ANKRD62: variants seen among roughly 807,000 people sequenced by gnomAD.
ANKRD62 encodes the protein ankyrin repeat domain 62.
A neutral mutation model predicts 98.8 loss-of-function variants in ANKRD62; 61 were observed. That is an observed-to-expected ratio of 0.62 (90% CI 0.50 to 0.76). The LOEUF is 0.76. Ranked by LOEUF, ANKRD62 falls within the 30% of genes least tolerant of loss-of-function variation. The pLI, the probability that ANKRD62 is intolerant of heterozygous loss-of-function variation, is 0.00. For missense variants in ANKRD62, 933 were observed against 1,082.9 expected (o/e 0.86, Z 1.94); for synonymous variants, 341 against 367.9 (o/e 0.93, Z 0.84).
intron 4 of ANKRD62, among the ~76,000 whole-genome samples, chr18:12,097,108 A>G (rs9951744): frequency 6.6e-6 from 1 of 151,840 alleles, no homozygotes; most frequent in East Asian, 1.9e-4. Context: ...GAGGATAATA[A>G]TATATCCTTC....
the ANKRD62 span, among the ~76,000 whole-genome samples, chr18:12,177,446 A>G: frequency 6.6e-6 from 1 of 152,208 alleles, no homozygotes; most frequent in East Asian, 1.9e-4. Context: ...GGCATGGGCA[A>G]TAGTGAGAGG....
At chr18:12,094,904 G>C (rs1282518869) in intron 1 of ANKRD62, among the ~76,000 whole-genome samples, 2 of 135,518 alleles carry the variant, frequency 1.5e-5, no homozygotes, top group African/African-American at 5.6e-5. Context: ...GGACTGGTTG[G>C]GGGTAGAGTT....
At chr18:12,113,252 G>A (rs1209502491) in intron 8 of ANKRD62, among the ~76,000 whole-genome samples, 1 of 152,152 alleles carries the variant, frequency 6.6e-6, no homozygotes. Context: ...TGGAAAAAAA[G>A]CTCAACTTCA....
chr18:12,096,583 T>C (rs921928245), intron 4 of ANKRD62, among the ~76,000 whole-genome samples: 2 of 152,234 alleles, frequency 1.3e-5, no homozygotes, highest in African/African-American at 4.8e-5. Flanking sequence ...GGATGTCATA[T>C]TGGTTTTACT....
chr18:12,124,906 G>A (rs375243591), intron 12 of ANKRD62, among the ~76,000 whole-genome samples: 5 of 152,248 alleles, frequency 3.3e-5, no homozygotes, highest in African/African-American at 1.2e-4. Context: ...GCATACAAAA[G>A]TGCTTAGTAC....
chr18:12,169,262 G>C, the ANKRD62 span, among the ~76,000 whole-genome samples: 1 of 152,212 alleles, frequency 6.6e-6, no homozygotes, highest in Non-Finnish European at 1.5e-5. Context: ...GATATTGGCT[G>C]TGGGTTTATC....
intron 4 of ANKRD62, among the ~76,000 whole-genome samples, chr18:12,096,907 A>G (rs1180676399): frequency 2.6e-5 from 4 of 152,078 alleles, no homozygotes; most frequent in East Asian, 1.9e-4. Context: ...TTTAATTAGT[A>G]TGGGCAGAGG....
At chr18:12,112,553 A>G (rs1370296036) in intron 8 of ANKRD62, among the ~76,000 whole-genome samples, 1 of 152,252 alleles carries the variant, frequency 6.6e-6, no homozygotes, top group African/African-American at 2.4e-5. Flanking sequence ...CACCATAAAC[A>G]AAAATTACCT....
the ANKRD62 span, among the ~76,000 whole-genome samples, chr18:12,153,586 T>C: frequency 8.0e-6 from 1 of 125,754 alleles, no homozygotes; most frequent in Non-Finnish European, 1.6e-5. Flanking sequence ...AGCGAGACTC[T>C]GCCTGGGAAA....
chr18:12,104,858 A>G (rs1049619669), intron 7 of ANKRD62, among the ~76,000 whole-genome samples: 1 of 152,208 alleles, frequency 6.6e-6, no homozygotes, highest in African/African-American at 2.4e-5. Context: ...TTTGCTTGCC[A>G]GTCATCTTCT....
the ANKRD62 span, among the ~76,000 whole-genome samples, chr18:12,174,292 A>G: frequency 6.6e-6 from 1 of 152,090 alleles, no homozygotes; most frequent in African/African-American, 2.4e-5. Context: ...CTGTTCTGCT[A>G]TTAATACTTG....
chr18:12,117,810 A>G (rs911960666), intron 10 of ANKRD62, among the ~76,000 whole-genome samples: 1 of 152,014 alleles, frequency 6.6e-6, no homozygotes, highest in Admixed American at 6.6e-5. Context: ...CTGGGAAAAA[A>G]CCCCATTTGT....
the ANKRD62 span, among the ~76,000 whole-genome samples, chr18:12,152,385 C>A: frequency 1.3e-3 from 202 of 152,252 alleles, 1 homozygote; most frequent in African/African-American, 4.6e-3. Flanking sequence ...AGCTAATCCA[C>A]CACGATCAAG....
rs553210217 is a variant in ANKRD62, at chr18:12,115,408, T to A, written c.1114T>A (p.Tyr372Asn). 139 of 1,534,726 alleles carry A rather than the reference T, an allele frequency of 9.1e-5. No homozygotes were observed. Among genetic ancestry groups the A allele is most frequent in the Admixed American group, 1.2e-4 (6 of 50,564 alleles). The change falls in exon 10 of 14, where the codon TAT (tyrosine) becomes AAT (asparagine). Residue 372 changes from tyrosine (Y) to asparagine (N), a missense_variant. By Grantham distance (143) the Tyr-to-Asn change is moderately radical. This residue lies in a region of ANKRD62 where 549 missense variants were observed against 587.9 expected (regional missense o/e 0.93). Coordinates refer to ENST00000587848, the MANE Select transcript of ANKRD62 (RefSeq NM_001277333.2). Reference protein sequence around the residue: ...NEKSKVKSQIYFTDDLNDISG... With the variant: ...NEKSKVKSQINFTDDLNDISG... ...TATTTTATAGGTTAAAAGCCAAATA[T>A]ATTTCACGGATGACCTTAATGACAT...
chr18:12,105,245 A>G (rs1438076858), intron 7 of ANKRD62, among the ~76,000 whole-genome samples: 1 of 152,258 alleles, frequency 6.6e-6, no homozygotes, highest in Non-Finnish European at 1.5e-5. Flanking sequence ...TTGTTCCACA[A>G]ACCATTATAT....
At chr18:12,102,256 T>C (rs1308466509) in intron 6 of ANKRD62, 1 of 765,944 alleles carries the variant, frequency 1.3e-6, no homozygotes, top group Non-Finnish European at 2.4e-6. Context: ...AGCAAAACAC[T>C]GACGACCCTC....
At chr18:12,175,532 G>A in the ANKRD62 span, among the ~76,000 whole-genome samples, 1 of 151,912 alleles carries the variant, frequency 6.6e-6, no homozygotes, top group African/African-American at 2.4e-5. Flanking sequence ...GCTATAGTTT[G>A]AGGAGGGAGT....
the ANKRD62 span, among the ~76,000 whole-genome samples, chr18:12,154,330 C>T: frequency 2.6e-5 from 4 of 152,292 alleles, no homozygotes; most frequent in South Asian, 8.3e-4. Flanking sequence ...ATGCAGCCAA[C>T]AGGCATATAA....
the ANKRD62 span, among the ~76,000 whole-genome samples, chr18:12,154,988 G>T: frequency 6.6e-6 from 1 of 152,254 alleles, no homozygotes; most frequent in Admixed American, 6.5e-5. Context: ...GGTGGGAGGA[G>T]GGAGAGGAGT....
Sources: allele counts gnomAD v4.1 joint callset (sites outside exome capture counted in the v4.1 genomes callset), GRCh38; gene constraint gnomAD v4.1.1; regional missense constraint gnomAD v4.1.1; transcripts MANE v1.5; gene names NCBI Gene and HGNC (gene_info 2026-07-23, HGNC 2026-07-21).